The following ENTPD1 variants were observed in gnomAD, a reference collection of about 807,000 sequenced individuals.
ENTPD1 encodes ATP diphosphohydrolase.
In ENTPD1, 33 loss-of-function variants were observed where a neutral mutation model predicts 57.0. The ratio of observed to expected loss-of-function variants is 0.58; its 90% confidence interval spans 0.44 to 0.77. The LOEUF (loss-of-function observed/expected upper bound fraction) is 0.77. ENTPD1 is among the 30% of genes least tolerant of loss of function. ENTPD1 has a pLI of 0.00. For missense variants in ENTPD1, 501 were observed against 603.4 expected, an observed-to-expected ratio of 0.83 and a Z score of 1.78; for synonymous variants, 202 against 218.8, an observed-to-expected ratio of 0.92 and a Z score of 0.68.
chr10:95,851,000 C>T (rs927785940), intron 7 of ENTPD1, among the ~76,000 whole-genome samples: 2 of 152,204 alleles, frequency 1.3e-5, no homozygotes, highest in African/African-American at 4.8e-5. Context: ...TCTGGCTACA[C>T]TGTAGCCTTG....
At chr10:95,808,424 T>G (rs1475567514) in intron 1 of ENTPD1, among the ~76,000 whole-genome samples, 2 of 152,232 alleles carry the variant, frequency 1.3e-5, no homozygotes, top group African/African-American at 4.8e-5. Context: ...AGGATGATGC[T>G]CATATGCCTC....
intron 1 of ENTPD1, among the ~76,000 whole-genome samples, chr10:95,760,142 G>A (rs2098050418): frequency 6.6e-6 from 1 of 151,932 alleles, no homozygotes; most frequent in African/African-American, 2.4e-5. Context: ...CTCCAGCCTG[G>A]GCAACATGAT....
At chr10:95,795,037 A>G (rs1204900712) in intron 1 of ENTPD1, among the ~76,000 whole-genome samples, 1 of 152,132 alleles carries the variant, frequency 6.6e-6, no homozygotes, top group Non-Finnish European at 1.5e-5. Flanking sequence ...GGATGATGTG[A>G]TTATATAGAC....
chr10:95,798,027 C>T lies in ENTPD1; in HGVS notation c.17-25210C>T, dbSNP rs557118150. On this transcript the variant is annotated intron_variant, in intron 1 of 9. Coordinates refer to ENST00000371205, the MANE Select transcript of ENTPD1 (RefSeq NM_001776.6). ...GATGAACCAACATCCCAAGATGGAA[C>T]GCTGTGGATCATTCATATTTAAAGG... 4.6e-5 allele frequency among the ~76,000 whole-genome samples: 7 copies of T among 152,170 alleles called. No homozygotes were observed. The East Asian group carries it at 5.8e-4, about 13-fold the overall frequency.
chr10:95,695,396 G>C, the ENTPD1 span, among the ~76,000 whole-genome samples: 2 of 152,128 alleles, frequency 1.3e-5, no homozygotes, highest in Non-Finnish European at 2.9e-5. Context: ...CATCTGTTAA[G>C]AGTTATCTAA....
At chr10:95,753,144 T>G (rs2098014823), upstream of ENTPD1, 1 of 151,840 alleles carries the variant, frequency 6.6e-6, no homozygotes, top group African/African-American at 2.4e-5. Context: ...TCTTTCTGAG[T>G]GCAGTTTTAA....
At chr10:95,846,661 C>T (rs1024624365) in intron 6 of ENTPD1, among the ~76,000 whole-genome samples, 1 of 152,170 alleles carries the variant, frequency 6.6e-6, no homozygotes, top group Non-Finnish European at 1.5e-5. Context: ...ACAGCAGCCT[C>T]CTTTCTTCCC....
chr10:95,728,088 C>A (rs963458894), intron 1 of ENTPD1, among the ~76,000 whole-genome samples: 1 of 152,128 alleles, frequency 6.6e-6, no homozygotes, highest in South Asian at 2.1e-4. Context: ...TTTAGGCTAT[C>A]TAACTATTGA....
chr10:95,761,551 T>C (rs1388514875), intron 1 of ENTPD1, among the ~76,000 whole-genome samples: 2 of 152,180 alleles, frequency 1.3e-5, no homozygotes, highest in African/African-American at 4.8e-5. Flanking sequence ...TTCTAGTCAC[T>C]GGTCAGGTGT....
At chr10:95,857,265 A>G (rs575664513) in intron 7 of ENTPD1, among the ~76,000 whole-genome samples, 1 of 152,278 alleles carries the variant, frequency 6.6e-6, no homozygotes, top group Admixed American at 6.5e-5. Flanking sequence ...TGCTAAATCT[A>G]CCTCATAGAA....
intron 3 of ENTPD1, among the ~76,000 whole-genome samples, chr10:95,841,848 AG>A (rs1212275069): frequency 6.6e-6 from 1 of 152,228 alleles, no homozygotes; most frequent in Non-Finnish European, 1.5e-5. Flanking sequence ...TTCTTGTAAC[AG>A]GAAGCAACTC....
intron 1 of ENTPD1, among the ~76,000 whole-genome samples, chr10:95,727,881 G>T (rs2097985357): frequency 6.6e-6 from 1 of 152,184 alleles, no homozygotes; most frequent in Non-Finnish European, 1.5e-5. Flanking sequence ...ATTTTTATAT[G>T]TGGAGTGACA....
chr10:95,834,688 G>T (rs749728401), intron 2 of ENTPD1, among the ~76,000 whole-genome samples: 3 of 152,076 alleles, frequency 2.0e-5, no homozygotes, highest in Non-Finnish European at 4.4e-5. Flanking sequence ...GGAGATATCT[G>T]CCCCATATCT....
At chr10:95,844,696 A>C in intron 5 of ENTPD1, 61 bp downstream of exon 5, 795 of 1,585,400 alleles carry the variant, frequency 5.0e-4, no homozygotes, top group Non-Finnish European at 6.3e-4. Context: ...TTGCTATCTC[A>C]GGCAGTACTT....
chr10:95,721,534 A>G (rs1472234563), intron 1 of ENTPD1, among the ~76,000 whole-genome samples: 7 of 152,220 alleles, frequency 4.6e-5, no homozygotes, highest in Admixed American at 6.5e-5. Context: ...TAAAACATCA[A>G]TATAGCCATC....
chr10:95,720,682 G>A (rs1291910870), intron 1 of ENTPD1, among the ~76,000 whole-genome samples: 1 of 152,176 alleles, frequency 6.6e-6, no homozygotes, highest in African/African-American at 2.4e-5. Flanking sequence ...TCTGGTTAGT[G>A]GCTTCTGACT....
At chr10:95,772,120 A>G (rs1168434793) in intron 1 of ENTPD1, among the ~76,000 whole-genome samples, 1 of 152,252 alleles carries the variant, frequency 6.6e-6, no homozygotes, top group Non-Finnish European at 1.5e-5. Context: ...GCTAACAGTC[A>G]TCTGAACCTT....
At chr10:95,814,514 C>T (rs973902728) in intron 1 of ENTPD1, among the ~76,000 whole-genome samples, 4 of 152,104 alleles carry the variant, frequency 2.6e-5, no homozygotes, top group African/African-American at 9.7e-5. Flanking sequence ...TGGGGAGCCT[C>T]AGGTTGGCTG....
At chr10:95,714,271 C>T (rs968499830) in intron 1 of ENTPD1, among the ~76,000 whole-genome samples, 1 of 152,048 alleles carries the variant, frequency 6.6e-6, no homozygotes, top group African/African-American at 2.4e-5. Context: ...TATGATTGCA[C>T]CACTACTACT....
Sources: allele counts gnomAD v4.1 joint callset (sites outside exome capture counted in the v4.1 genomes callset), GRCh38; gene constraint gnomAD v4.1.1; transcripts MANE v1.5; gene names NCBI Gene and HGNC (gene_info 2026-07-23, HGNC 2026-07-21).